LDHC: variants seen among roughly 807,000 people sequenced by gnomAD.
LDHC encodes lactate dehydrogenase C, also known as L-lactate dehydrogenase C chain.
Under a neutral mutation model 30.2 loss-of-function variants are expected in LDHC, and 20 were observed. That is an observed-to-expected ratio of 0.66 (90% CI 0.47 to 0.96). The LOEUF is 0.96. Among genes scored for constraint, LDHC ranks in the 40% least tolerant of loss-of-function variants. LDHC has a pLI of 0.00. For synonymous variants in LDHC, 139 were observed against 132.7 expected (o/e 1.05, Z -0.32); for missense variants, 362 against 394.9 (o/e 0.92, Z 0.71).
chr11:18,418,093 C>T (rs1246865812), intron 3 of LDHC, among the ~76,000 whole-genome samples: 1 of 151,554 alleles, frequency 6.6e-6, no homozygotes, highest in African/African-American at 2.4e-5. Context: ...AAAACATTAC[C>T]AAGTCAGTTG....
chr11:18,438,675 C>T, intron 6 of LDHC, 30 bp downstream of exon 6: 1 of 1,112,514 alleles, frequency 9.0e-7, no homozygotes, highest in Non-Finnish European at 1.4e-6. Flanking sequence ...TTCTTAATGC[C>T]TTAATAGTCA....
At chr11:18,436,706 G>C (rs1042525954) in intron 5 of LDHC, among the ~76,000 whole-genome samples, 2 of 151,606 alleles carry the variant, frequency 1.3e-5, no homozygotes, top group African/African-American at 4.8e-5. Flanking sequence ...GGCTGGTCTC[G>C]AACTCTTGAC....
intron 6 of LDHC, among the ~76,000 whole-genome samples, chr11:18,439,024 C>T (rs1027962740): frequency 1.3e-5 from 2 of 152,134 alleles, no homozygotes; most frequent in African/African-American, 4.8e-5. Flanking sequence ...ACCTACTTTA[C>T]ATAATAGCCT....
At chr11:18,414,991 A>G (rs1382077536) in intron 2 of LDHC, among the ~76,000 whole-genome samples, 193 bp from the exon 3 acceptor site, 3 of 152,302 alleles carry the variant, frequency 2.0e-5, no homozygotes, top group African/African-American at 7.2e-5. Flanking sequence ...GAAGTCAAAC[A>G]ATTTTTGCTA....
At chr11:18,442,482 A>G (rs988980260) in intron 6 of LDHC, among the ~76,000 whole-genome samples, 2 of 152,204 alleles carry the variant, frequency 1.3e-5, no homozygotes, top group African/African-American at 4.8e-5. Context: ...AAGTTAGTAC[A>G]TCTACAACCA....
intron 7 of LDHC, among the ~76,000 whole-genome samples, chr11:18,449,140 G>A (rs1263600589): frequency 1.3e-5 from 2 of 152,068 alleles, no homozygotes; most frequent in Non-Finnish European, 2.9e-5. Flanking sequence ...CACCATCAGA[G>A]GCCTTGCCTC....
intron 6 of LDHC, among the ~76,000 whole-genome samples, chr11:18,442,660 C>CTTT (rs34884188): frequency 4.5e-3 from 505 of 112,532 alleles, no homozygotes; most frequent in East Asian, 6.5e-3. Context: ...TTCTCTCTCT[C>CTTT]TTTTTTTTTT....
intron 4 of LDHC, among the ~76,000 whole-genome samples, chr11:18,433,278 C>T (rs142204339): frequency 1.5e-3 from 235 of 151,924 alleles, no homozygotes; most frequent in African/African-American, 4.8e-3. Flanking sequence ...CCCAGCTACT[C>T]GGTAGGCTGA....
At chr11:18,426,905 T>C (rs1848170245) in intron 3 of LDHC, among the ~76,000 whole-genome samples, 1 of 152,160 alleles carries the variant, frequency 6.6e-6, no homozygotes, top group African/African-American at 2.4e-5. Flanking sequence ...TGATAAATAC[T>C]TGGGGATATC....
At chr11:18,431,232 AGGT>A (rs1264674882) in intron 4 of LDHC, among the ~76,000 whole-genome samples, 22 of 152,224 alleles carry the variant, frequency 1.4e-4, no homozygotes, top group African/African-American at 5.3e-4. Context: ...AGCCTAAGGC[AGGT>A]GGATCACCTG....
At chr11:18,441,517 CA>C (rs1848465927) in intron 6 of LDHC, among the ~76,000 whole-genome samples, 1 of 151,448 alleles carries the variant, frequency 6.6e-6, no homozygotes, top group African/African-American at 2.4e-5. Context: ...CCATGTTGGC[CA>C]GGAGTCTTAA....
At chr11:18,427,677 AT>A (rs34480310) in intron 3 of LDHC, among the ~76,000 whole-genome samples, 90,599 of 129,716 alleles carry the variant, frequency 0.7, 31,069 homozygotes, top group East Asian at 0.86. Context: ...TTGGAGCCAG[AT>A]TTTTTTTTTT....
Position 18,451,232 on chromosome 11 carries a change from A to G in LDHC, c.*105A>G. The G allele has an allele frequency of 1.4e-6, 1 of 700,562 alleles. No homozygotes were observed. Among genetic ancestry groups the G allele is most frequent in the Non-Finnish European group, 2.2e-6 (1 of 454,856 alleles). 43.4% of individuals were successfully genotyped at this position (700,562 alleles called of 1,614,324 possible). On this transcript the variant is annotated 3_prime_UTR_variant, in exon 8 of 8. Transcript: ENST00000541669. ...TTTGATCTTTAAAAAATAAAAACAA[A>G]TTGGAGACCTGTGACATAACTCTAG...
At chr11:18,424,718 C>G (rs944163057) in intron 3 of LDHC, among the ~76,000 whole-genome samples, 5 of 152,038 alleles carry the variant, frequency 3.3e-5, no homozygotes, top group African/African-American at 1.2e-4. Flanking sequence ...ATAAAATGTA[C>G]TATGTAATGC....
At chr11:18,429,970 A>G (rs1399119881) in intron 4 of LDHC, 60 bp downstream of exon 4, 4 of 1,048,108 alleles carry the variant, frequency 3.8e-6, no homozygotes, top group Non-Finnish European at 5.6e-6. Context: ...CATTCCTTTA[A>G]AAGAATCAAC....
chr11:18,431,503 T>C (rs984328708), intron 4 of LDHC, among the ~76,000 whole-genome samples: 2 of 152,036 alleles, frequency 1.3e-5, no homozygotes, highest in Non-Finnish European at 2.9e-5. Context: ...ATAAAATACA[T>C]TTTAGCCAAT....
chr11:18,440,144 C>CAAAAAAAAA (rs35749455), intron 6 of LDHC, among the ~76,000 whole-genome samples: 2 of 83,056 alleles, frequency 2.4e-5, no homozygotes, highest in African/African-American at 4.1e-5. Context: ...TACTAAAATA[C>CAAAAAAAAA]AAAAAAAAAA....
intron 4 of LDHC, among the ~76,000 whole-genome samples, chr11:18,433,398 T>TA (rs202023810): frequency 0.11 from 14,763 of 132,612 alleles, 845 homozygotes; most frequent in Middle Eastern, 0.19. Context: ...AAAAAGGAAA[T>TA]AAAAAAAAAA....
intron 3 of LDHC, among the ~76,000 whole-genome samples, chr11:18,422,105 A>T (rs1321925795): frequency 6.6e-6 from 1 of 152,076 alleles, no homozygotes; most frequent in Non-Finnish European, 1.5e-5. Flanking sequence ...AGCCTAAGCG[A>T]TGGAGCAAGA....
Sources: allele counts gnomAD v4.1 joint callset (sites outside exome capture counted in the v4.1 genomes callset), GRCh38; gene constraint gnomAD v4.1.1; transcripts MANE v1.5; gene names NCBI Gene and HGNC (gene_info 2026-07-23, HGNC 2026-07-21).